Variants in LIPF observed in about 807,000 individuals in gnomAD.
LIPF encodes gastric triacylglycerol lipase.
Under a neutral mutation model 38.0 loss-of-function variants are expected in LIPF, and 25 were observed. The ratio of observed to expected loss-of-function variants is 0.66; its 90% CI spans 0.48 to 0.92. The LOEUF is 0.92. Ranked by LOEUF, LIPF falls within the 40% of genes least tolerant of loss-of-function variation. The pLI is 0.00. For synonymous variants in LIPF, 161 were observed against 156.2 expected (o/e 1.03, Z -0.23); for missense variants, 410 against 469.9 (o/e 0.87, Z 1.18).
chr10:88,666,277 A>C (rs1489534366), intron 1 of LIPF, among the ~76,000 whole-genome samples: 1 of 152,204 alleles, frequency 6.6e-6, no homozygotes, highest in Non-Finnish European at 1.5e-5. Flanking sequence ...TCCAAATATT[A>C]CACATTCTTC....
intron 9 of LIPF, 32 bp from the exon 10 acceptor site, chr10:88,678,413 T>G: frequency 6.6e-7 from 1 of 1,517,454 alleles, no homozygotes; most frequent in South Asian, 1.1e-5. Flanking sequence ...TGTGGTTACC[T>G]AAACTCTGGT....
rs1278852317 is a variant in LIPF at position 88,675,540 on chromosome 10, T to A, written c.817-46T>A. 3.0e-6 allele frequency: 4 copies of A among 1,324,394 alleles called. No individual in the cohort carries two copies. The Admixed American group carries it at 6.9e-5, about 23-fold the overall frequency. 82.0% of individuals were successfully genotyped at this position (1,324,394 alleles called of 1,614,324 possible). On this transcript the variant is annotated intron_variant, in intron 7 of 9. Coordinates refer to ENST00000238983, the MANE Select transcript of LIPF (RefSeq NM_004190.4). ...TCTTTACTGTTTTTAAGAAACTGAG[T>A]ATGTGTCTTAGTATGTATATAATAT...
intron 5 of LIPF, among the ~76,000 whole-genome samples, chr10:88,671,297 T>C (rs1187610639): frequency 2.0e-5 from 3 of 152,222 alleles, no homozygotes; most frequent in African/African-American, 7.2e-5. Context: ...CACTCACCAC[T>C]ATCCTTGTAT....
At chr10:88,667,150 T>C (rs1841523412) in intron 1 of LIPF, 137 bp from the exon 2 acceptor site, 3 of 551,918 alleles carry the variant, frequency 5.4e-6, no homozygotes, top group South Asian at 3.1e-5. Flanking sequence ...CATCCATATG[T>C]CTCATTTTAT....
At chr10:88,671,785 A>G (rs1201125740) in intron 5 of LIPF, 44 bp from the exon 6 acceptor site, 1 of 1,528,088 alleles carries the variant, frequency 6.5e-7, no homozygotes, top group Admixed American at 2.0e-5. Context: ...AACAACAACA[A>G]CACACACACA....
chr10:88,673,518 TTAGA>T, intron 6 of LIPF, 66 bp from the exon 7 acceptor site: 1 of 1,143,756 alleles, frequency 8.7e-7, no homozygotes, highest in South Asian at 1.5e-5. Flanking sequence ...TATAAGTAGA[TTAGA>T]TAAACTAGTG....
chr10:88,675,684 T>A (rs1409803595), intron 8 of LIPF, 27 bp downstream of exon 8: 1 of 1,523,476 alleles, frequency 6.6e-7, no homozygotes, highest in South Asian at 1.1e-5. Context: ...GCTGTTAAAA[T>A]GTATTTTGTG....
intron 8 of LIPF, 81 bp from the exon 9 acceptor site, chr10:88,676,128 T>C (rs1841682687): frequency 2.5e-6 from 2 of 796,484 alleles, no homozygotes; most frequent in Non-Finnish European, 3.9e-6. Flanking sequence ...AAATTGAAAA[T>C]AAACTGCTTG....
intron 8 of LIPF, 43 bp from the exon 9 acceptor site, chr10:88,676,166 T>C: frequency 8.7e-7 from 1 of 1,143,522 alleles, no homozygotes; most frequent in Non-Finnish European, 1.3e-6. Context: ...TTTTTCACAA[T>C]ATAATAATTT....
At chr10:88,664,542 T>C (rs1841484339) in intron 1 of LIPF, 51 bp downstream of exon 1, 1 of 152,682 alleles carries the variant, frequency 6.5e-6, no homozygotes, top group Non-Finnish European at 1.5e-5. Flanking sequence ...ATTAGATTTT[T>C]TCTTTATCCC....
At position 88,675,552 on chromosome 10, in the gene LIPF, T is replaced by C. The variant is rs371236998; in HGVS notation, c.817-34T>C. The C allele has an allele frequency of 4.8e-6, 7 of 1,444,932 alleles. No homozygotes were observed. In the African/African-American group the frequency reaches 8.4e-5, roughly 17 times the overall value. The allele number at this position is 1,444,932 out of a possible 1,614,324, so 89.5% of individuals were successfully genotyped here. ...TTAAGAAACTGAGTATGTGTCTTAG[T>C]ATGTATATAATATGTGTGTCTGTTG... On this transcript the variant is annotated intron_variant, in intron 7 of 9. Transcript: ENST00000238983.
At chr10:88,672,670 A>ACACACACACACT (rs869259093) in intron 6 of LIPF, among the ~76,000 whole-genome samples, 3 of 110,560 alleles carry the variant, frequency 2.7e-5, no homozygotes, top group African/African-American at 6.8e-5. Flanking sequence ...ACACACACAC[A>ACACACACACACT]CTCTCTCTCT....
At chr10:88,676,848 T>C (rs372212672) in intron 9 of LIPF, among the ~76,000 whole-genome samples, 5 of 152,202 alleles carry the variant, frequency 3.3e-5, no homozygotes, top group African/African-American at 1.2e-4. Flanking sequence ...TTGGAGCTTA[T>C]CTTATCTGCA....
At chr10:88,667,446 A>G in intron 2 of LIPF, 44 bp downstream of exon 2, 1 of 1,200,556 alleles carries the variant, frequency 8.3e-7, no homozygotes, top group East Asian at 2.3e-5. Context: ...AAAAGATGCT[A>G]TTATTTAAAA....
At chr10:88,666,204 T>A (rs2134632348) in intron 1 of LIPF, among the ~76,000 whole-genome samples, 1 of 152,338 alleles carries the variant, frequency 6.6e-6, no homozygotes, top group East Asian at 1.9e-4. Flanking sequence ...ACGGGTTTTC[T>A]TGAAATATTA....
chr10:88,675,548 T>C, intron 7 of LIPF, 38 bp from the exon 8 acceptor site: 1 of 1,410,176 alleles, frequency 7.1e-7, no homozygotes, highest in East Asian at 2.3e-5. Flanking sequence ...AGTATGTGTC[T>C]TAGTATGTAT....
At chr10:88,668,125 G>T (rs1221985607) in intron 3 of LIPF, among the ~76,000 whole-genome samples, 1 of 151,974 alleles carries the variant, frequency 6.6e-6, no homozygotes, top group South Asian at 2.1e-4. Context: ...CCAATTCAAG[G>T]CTCATTTCCT....
intron 1 of LIPF, chr10:88,665,639 C>A (rs17333720): frequency 0.031 from 32,603 of 1,046,634 alleles, 660 homozygotes; most frequent in Middle Eastern, 0.056. Flanking sequence ...TGATGAAAGC[C>A]TCTGGTTTGA....
rs1218512865 is a variant in LIPF at position 88,671,810 on chromosome 10, G to A, written c.533-19G>A. 1.9e-6 allele frequency: 3 copies of A among 1,602,216 alleles called. No homozygotes were observed. The highest frequency in any genetic ancestry group is 1.4e-5 in the African/African-American group (1 of 73,982). On this transcript the variant is annotated intron_variant, in intron 5 of 9. Coordinates refer to ENST00000238983, the MANE Select transcript of LIPF (RefSeq NM_004190.4). ...ACACACACACACACCTTTTTCACCAGTTCCTTGTTCTTTTTCAGGTTTTAT... is the reference window on the plus strand; with the variant it reads ...ACACACACACACACCTTTTTCACCAATTCCTTGTTCTTTTTCAGGTTTTAT...
Sources: allele counts gnomAD v4.1 joint callset (sites outside exome capture counted in the v4.1 genomes callset), GRCh38; gene constraint gnomAD v4.1.1; transcripts MANE v1.5; gene names NCBI Gene and HGNC (gene_info 2026-07-23, HGNC 2026-07-21).